Variants in CDH4 observed in about 807,000 individuals in gnomAD.
CDH4 encodes the protein cadherin-4.
In CDH4, 33 loss-of-function variants were observed where a neutral mutation model predicts 86.0. The ratio of observed to expected loss-of-function variants is 0.38; its 90% CI spans 0.29 to 0.51. CDH4 has a LOEUF of 0.51. CDH4 is among the 20% of genes least tolerant of loss of function. The pLI is 0.86. For synonymous variants in CDH4, 555 were observed against 549.4 expected (o/e 1.01, Z -0.14); for missense variants, 1,114 against 1,307.4 (o/e 0.85, Z 2.28).
At chr20:61,254,024 G>C (rs1382760165) in intron 1 of CDH4, among the ~76,000 whole-genome samples, 1 of 152,222 alleles carries the variant, frequency 6.6e-6, no homozygotes, top group Non-Finnish European at 1.5e-5. Flanking sequence ...CAGAAGCTTG[G>C]TCGGAGGGCC....
At chr20:61,430,381 G>C (rs1336382623) in intron 2 of CDH4, among the ~76,000 whole-genome samples, 1 of 152,210 alleles carries the variant, frequency 6.6e-6, no homozygotes, top group Non-Finnish European at 1.5e-5. Context: ...CAGTGTGCCA[G>C]GCGGCCTTCT....
chr20:61,551,939 C>G (rs755009462), intron 2 of CDH4, among the ~76,000 whole-genome samples: 1 of 152,122 alleles, frequency 6.6e-6, no homozygotes, highest in African/African-American at 2.4e-5. Context: ...ATGCAAAGAA[C>G]GAAATTGGAC....
chr20:61,680,005 A>C (rs1168762238), intron 2 of CDH4, among the ~76,000 whole-genome samples: 1 of 152,186 alleles, frequency 6.6e-6, no homozygotes, highest in East Asian at 1.9e-4. Context: ...TGCAGCCCCC[A>C]GGAAGCTGAG....
rs78990882 is a variant in CDH4 at position 61,822,710 on chromosome 20, C to T, written c.577-21958C>T. Among the ~76,000 whole-genome samples, 1,340 of 152,224 alleles carry T rather than the reference C, an allele frequency of 8.8e-3. 13 individuals are homozygous for T. Among genetic ancestry groups the T allele is most frequent in the African/African-American group, 0.03 (1,257 of 41,540 alleles). On this transcript the variant is annotated intron_variant, in intron 4 of 15. Transcript: ENST00000614565. ...CTTCTGGGCTTCACTGAGTTTGGGG[C>T]GGGAAAAGGTCAATTTTCATCAGGT...
In CDH4 at chr20:61,412,777, G is replaced by C. The variant is rs746588693; in HGVS notation, c.169+157840G>C. Among the ~76,000 whole-genome samples the C allele has an allele frequency of 1.2e-4, 19 of 152,068 alleles. 1 individual carries two copies. The highest frequency in any genetic ancestry group is 5.9e-5 in the Non-Finnish European group (4 of 68,020). Reference sequence around the variant, plus strand: ...CTCATGGACATCTTGTTTTTCCTTCGAACCAGTCCAATGAAATGGAATGTT... The same window carrying C: ...CTCATGGACATCTTGTTTTTCCTTCCAACCAGTCCAATGAAATGGAATGTT... On this transcript the variant is annotated intron_variant, in intron 2 of 15. Transcript: ENST00000614565.
chr20:61,790,627 A>G (rs574432093), intron 4 of CDH4, among the ~76,000 whole-genome samples: 2 of 147,508 alleles, frequency 1.4e-5, no homozygotes, highest in African/African-American at 5.1e-5. Flanking sequence ...TCATTTCTCC[A>G]TTCATCTCTC....
At chr20:61,766,083 G>T (rs1568803561) in intron 3 of CDH4, among the ~76,000 whole-genome samples, 2 of 151,984 alleles carry the variant, frequency 1.3e-5, no homozygotes, top group African/African-American at 4.8e-5. Context: ...CCAGGAAGGA[G>T]CCTGGGCCCA....
chr20:61,522,821 T>A (rs2085881559), intron 2 of CDH4, among the ~76,000 whole-genome samples: 1 of 152,246 alleles, frequency 6.6e-6, no homozygotes, highest in South Asian at 2.1e-4. Context: ...TTCGGTTTTT[T>A]ATTTTTGAAG....
intron 2 of CDH4, among the ~76,000 whole-genome samples, chr20:61,688,950 C>T (rs191660301): frequency 6.6e-6 from 1 of 152,348 alleles, no homozygotes; most frequent in Non-Finnish European, 1.5e-5. Flanking sequence ...GAAAAACACA[C>T]ATGTATCCTG....
At chr20:61,437,239 T>C (rs1448569845) in intron 2 of CDH4, 3 of 152,310 alleles carry the variant, frequency 2.0e-5, no homozygotes, top group Non-Finnish European at 4.4e-5. Flanking sequence ...ATGACTCGTC[T>C]AGCAAGATCC....
chr20:61,491,803 TTGG>T (rs1337111320), intron 2 of CDH4, among the ~76,000 whole-genome samples: 1 of 152,094 alleles, frequency 6.6e-6, no homozygotes, highest in African/African-American at 2.4e-5. Flanking sequence ...GGTGTTGATG[TTGG>T]TGGTGCCATT....
intron 2 of CDH4, among the ~76,000 whole-genome samples, chr20:61,386,254 C>T (rs763886943): frequency 6.6e-6 from 1 of 152,166 alleles, no homozygotes; most frequent in African/African-American, 2.4e-5. Flanking sequence ...CCTCACAGCT[C>T]CTGGAAGGAA....
At chr20:61,620,909 C>A (rs1037608321) in intron 2 of CDH4, among the ~76,000 whole-genome samples, 35 of 152,350 alleles carry the variant, frequency 2.3e-4, no homozygotes, top group African/African-American at 8.4e-4. Flanking sequence ...TGCCCCCAGA[C>A]TGCTGAGAGG....
At position 61,714,887 on chromosome 20, in the gene CDH4, T is replaced by G. The variant is rs376486703; in HGVS notation, c.170-28676T>G. Among the ~76,000 whole-genome samples the G allele has an allele frequency of 3.2e-3, 486 of 152,328 alleles. 34 individuals are homozygous for G. The South Asian group carries it at 0.096, about 30-fold the overall frequency. ...GATAAACATACAAGTGCAGTTGTCT[T>G]TTTGATGCGGTGACGTCTTTTCCAT... On this transcript the variant is annotated intron_variant, in intron 2 of 15. Coordinates refer to ENST00000614565, the MANE Select transcript of CDH4 (RefSeq NM_001794.5).
At chr20:61,317,667 CCTCCCCT>C (rs1388614186) in intron 2 of CDH4, among the ~76,000 whole-genome samples, 4 of 152,138 alleles carry the variant, frequency 2.6e-5, no homozygotes, top group Non-Finnish European at 5.9e-5. Context: ...TGGTAGCACC[CCTCCCCT>C]AGGTGCCACA....
intron 2 of CDH4, among the ~76,000 whole-genome samples, chr20:61,652,346 TAA>T (rs11468716): frequency 0.37 from 56,030 of 151,870 alleles, 11,239 homozygotes; most frequent in Non-Finnish European, 0.46. Context: ...CCCTACATAC[TAA>T]ATAGCACGAG....
At chr20:61,864,885 G>A (rs1983478684) in intron 6 of CDH4, among the ~76,000 whole-genome samples, 1 of 152,180 alleles carries the variant, frequency 6.6e-6, no homozygotes, top group African/African-American at 2.4e-5. Context: ...GTCCTCTCTG[G>A]GGCTGCACGG....
intron 2 of CDH4, among the ~76,000 whole-genome samples, chr20:61,672,287 G>A (rs1389331204): frequency 1.3e-5 from 2 of 151,848 alleles, no homozygotes; most frequent in African/African-American, 2.4e-5. Flanking sequence ...GAACGGGTGA[G>A]TGGATGGATG....
At chr20:61,637,701 G>C (rs923023300) in intron 2 of CDH4, among the ~76,000 whole-genome samples, 2 of 152,132 alleles carry the variant, frequency 1.3e-5, no homozygotes, top group Non-Finnish European at 2.9e-5. Flanking sequence ...CTAGCATAAA[G>C]CATCTGTGAC....
Sources: gnomAD v4.1 joint callset for allele counts (sites outside exome capture counted in the v4.1 genomes callset) on GRCh38, gnomAD v4.1.1 for gene constraint, MANE v1.5 for transcripts, NCBI Gene and HGNC (gene_info 2026-07-23, HGNC 2026-07-21) for gene names.